Variants in USP25 observed in about 807,000 individuals in gnomAD.
The protein encoded by USP25 is ubiquitin specific peptidase 25.
In USP25, 85 loss-of-function variants were observed where a neutral mutation model predicts 158.5. The ratio of observed to expected loss-of-function variants is 0.54; its 90% CI spans 0.45 to 0.64. The LOEUF (loss-of-function observed/expected upper bound fraction) is 0.64, where lower values mean the gene tolerates loss of function less well. USP25 is among the 30% of genes least tolerant of loss of function. USP25 has a pLI of 0.00. For synonymous variants in USP25, 464 were observed against 460.4 expected, an observed-to-expected ratio of 1.01 and a Z score of -0.10; for missense variants, 1,242 against 1,327.3, an observed-to-expected ratio of 0.94 and a Z score of 1.00.
chr21:15,742,107 CTT>C (rs11339410), intron 1 of USP25, among the ~76,000 whole-genome samples: 28 of 140,808 alleles, frequency 2.0e-4, no homozygotes, highest in Admixed American at 2.8e-4. Context: ...AAGATACTTC[CTT>C]TTTTTTTTTT....
At chr21:15,802,471 G>C (rs1465149927) in intron 6 of USP25, among the ~76,000 whole-genome samples, 3 of 151,528 alleles carry the variant, frequency 2.0e-5, no homozygotes, top group Non-Finnish European at 3.0e-5. Flanking sequence ...AGAAATCAAG[G>C]TAGAAATCAA....
chr21:15,751,695 A>C (rs755576509), intron 1 of USP25, among the ~76,000 whole-genome samples: 10 of 152,234 alleles, frequency 6.6e-5, no homozygotes, highest in Admixed American at 6.5e-5. Flanking sequence ...CTAATTTAAA[A>C]ACAGACTGTG....
chr21:15,739,667 C>A (rs949415770), intron 1 of USP25, among the ~76,000 whole-genome samples: 3 of 152,158 alleles, frequency 2.0e-5, no homozygotes, highest in Admixed American at 6.5e-5. Flanking sequence ...TAATTTTACT[C>A]TCTAATGTCA....
At chr21:15,848,511 C>T (rs539476630) in intron 19 of USP25, among the ~76,000 whole-genome samples, 15 of 151,696 alleles carry the variant, frequency 9.9e-5, no homozygotes, top group African/African-American at 3.6e-4. Context: ...TGTTTTTGAA[C>T]AGGAACACAG....
At chr21:15,865,572 CAG>C (rs2039620016) in intron 21 of USP25, among the ~76,000 whole-genome samples, 1 of 152,146 alleles carries the variant, frequency 6.6e-6, no homozygotes, top group Admixed American at 6.5e-5. Flanking sequence ...CATGCGACTG[CAG>C]AGAGTTCAGA....
At chr21:15,803,898 T>A (rs2036251542) in intron 6 of USP25, among the ~76,000 whole-genome samples, 1 of 151,928 alleles carries the variant, frequency 6.6e-6, no homozygotes, top group Non-Finnish European at 1.5e-5. Flanking sequence ...GGTTATACTA[T>A]TTTGGGCAGC....
intron 1 of USP25, among the ~76,000 whole-genome samples, chr21:15,746,105 T>A (rs936432491): frequency 6.6e-6 from 1 of 152,234 alleles, no homozygotes; most frequent in Non-Finnish European, 1.5e-5. Context: ...AAATGTGCCT[T>A]GAAGTGGGTG....
intron 20 of USP25, among the ~76,000 whole-genome samples, chr21:15,859,783 C>A (rs1012641375): frequency 2.0e-5 from 3 of 151,724 alleles, no homozygotes; most frequent in Admixed American, 6.6e-5. Context: ...AACATTTTTT[C>A]TGTATTATCA....
intron 20 of USP25, among the ~76,000 whole-genome samples, chr21:15,853,100 CTG>C (rs1491216207): frequency 5.9e-3 from 894 of 152,268 alleles, no homozygotes; most frequent in Non-Finnish European, 9.6e-3. Context: ...ATTCTTAGCA[CTG>C]TGTATCTTGT....
At chr21:15,878,041 A>T in intron 25 of USP25, 50 bp downstream of exon 25, 1 of 1,427,280 alleles carries the variant, frequency 7.0e-7, no homozygotes, top group Non-Finnish European at 9.5e-7. Context: ...GATTAAATGC[A>T]GTTAGAATTA....
At chr21:15,792,303 T>C (rs958765173) in intron 5 of USP25, among the ~76,000 whole-genome samples, 4 of 151,668 alleles carry the variant, frequency 2.6e-5, no homozygotes, top group Admixed American at 2.6e-4. Context: ...AGTTTTCTTT[T>C]ACGTGTTTAA....
intron 10 of USP25, among the ~76,000 whole-genome samples, chr21:15,821,517 A>G (rs1350800952): frequency 6.6e-6 from 1 of 151,958 alleles, no homozygotes; most frequent in Non-Finnish European, 1.5e-5. Flanking sequence ...CCAAGTTATA[A>G]TAAAGTGCTA....
In USP25 at chr21:15,784,738, T is replaced by C. The variant is rs182533606; in HGVS notation, c.392+6711T>C. ...TGTAAGACTCTTCATGTTAGCTCCATGGTAACCACAAGAAAAATTATAGTA... is the reference window on the plus strand; with the variant it reads ...TGTAAGACTCTTCATGTTAGCTCCACGGTAACCACAAGAAAAATTATAGTA... On this transcript the variant is annotated intron_variant, in intron 4 of 25. Coordinates refer to ENST00000400183, the MANE Select transcript of USP25 (RefSeq NM_001283041.3). Among the ~76,000 whole-genome samples the C allele has an allele frequency of 2.1e-4, 32 of 152,154 alleles. No homozygotes were observed. In the East Asian group the frequency reaches 6.2e-3, roughly 29 times the overall value.
chr21:15,763,873 A>G (rs1321996224), intron 2 of USP25, among the ~76,000 whole-genome samples: 1 of 152,158 alleles, frequency 6.6e-6, no homozygotes, highest in African/African-American at 2.4e-5. Flanking sequence ...ACTCTATGAG[A>G]TAAGTATTAG....
At chr21:15,797,566 T>C (rs1415714063) in intron 5 of USP25, among the ~76,000 whole-genome samples, 1 of 151,306 alleles carries the variant, frequency 6.6e-6, no homozygotes, top group Non-Finnish European at 1.5e-5. Flanking sequence ...AAATAATTCT[T>C]CACCAGCACA....
At chr21:15,838,022 G>T (rs1017669059) in intron 17 of USP25, among the ~76,000 whole-genome samples, 1 of 151,958 alleles carries the variant, frequency 6.6e-6, no homozygotes, top group South Asian at 2.1e-4. Flanking sequence ...TGCCTGCCGG[G>T]TTCAAGCAAT....
chr21:15,833,085 T>G (rs1350037477), intron 16 of USP25, among the ~76,000 whole-genome samples: 2 of 151,882 alleles, frequency 1.3e-5, no homozygotes, highest in East Asian at 3.9e-4. Flanking sequence ...ACTTCTACTC[T>G]TAAGATAAAA....
rs34923569 is a variant in USP25, at chr21:15,827,765, CGTGTGTGTGTGTGTGT to C, written c.1693+587_1693+602del. ...GGGTGTGTGCACTTGTGTGCGTGTG[CGTGTGTGTGTGTGTGT>C]GTGTGTGTGTGTGTGTGTGTGTGTC... On this transcript the variant is annotated intron_variant, in intron 14 of 25. Coordinates refer to ENST00000400183, the MANE Select transcript of USP25 (RefSeq NM_001283041.3). 1.9e-4 allele frequency among the ~76,000 whole-genome samples: 26 copies of C among 136,914 alleles called. No homozygotes were observed. The East Asian group carries it at 3.3e-3, about 17-fold the overall frequency. The allele number at this position is 136,914 out of a possible 152,430, so 89.8% of individuals were successfully genotyped here.
chr21:15,846,146 ATATATATATATAT>A (rs1306492769), intron 18 of USP25, among the ~76,000 whole-genome samples: 6 of 59,636 alleles, frequency 1.0e-4, no homozygotes, highest in African/African-American at 7.1e-4. Context: ...ATATATATAT[ATATATATATATAT>A]TTTTTTTTTT....
Sources: allele counts gnomAD v4.1 joint callset (sites outside exome capture counted in the v4.1 genomes callset), GRCh38; gene constraint gnomAD v4.1.1; transcripts MANE v1.5; gene names NCBI Gene and HGNC (gene_info 2026-07-23, HGNC 2026-07-21).